C4orf36: variants seen among roughly 807,000 people sequenced by gnomAD.
C4orf36 encodes chromosome 4 open reading frame 36, also known as uncharacterized protein C4orf36.
Under a neutral mutation model 12.2 loss-of-function variants are expected in C4orf36, and 11 were observed. That is an observed-to-expected ratio of 0.90 (90% confidence interval 0.57 to 1.49). The LOEUF is 1.49. Among genes scored for constraint, C4orf36 ranks in the 40% most tolerant of loss-of-function variants. The pLI, the probability that C4orf36 is intolerant of heterozygous loss-of-function variation, is 0.00. For missense variants in C4orf36, 137 were observed against 133.9 expected (o/e 1.02, Z -0.11); for synonymous variants, 54 against 51.3 (o/e 1.05, Z -0.22).
chr4:86,915,499 G>T, the C4orf36 span, among the ~76,000 whole-genome samples: 1 of 152,002 alleles, frequency 6.6e-6, no homozygotes, highest in African/African-American at 2.4e-5. Context: ...TTAAAGGAGG[G>T]AAGGCTGGGC....
At chr4:86,889,389 A>G (rs1028400970) in intron 2 of C4orf36, among the ~76,000 whole-genome samples, 5 of 152,020 alleles carry the variant, frequency 3.3e-5, no homozygotes, top group Non-Finnish European at 7.4e-5. Context: ...CTTAATATCT[A>G]TCAAGAAGAG....
At chr4:86,884,301 T>TC (rs1378277055) in intron 4 of C4orf36, among the ~76,000 whole-genome samples, 1 of 106,564 alleles carries the variant, frequency 9.4e-6, no homozygotes, top group Non-Finnish European at 1.8e-5. Context: ...AAGACTGAAT[T>TC]TTTTTTTTTT....
the C4orf36 span, among the ~76,000 whole-genome samples, chr4:86,931,624 C>A: frequency 6.6e-6 from 1 of 152,164 alleles, no homozygotes; most frequent in Non-Finnish European, 1.5e-5. Flanking sequence ...GTCTTGAAGT[C>A]CTGGGCTCAA....
the C4orf36 span, chr4:86,932,087 C>T: frequency 6.6e-6 from 1 of 150,944 alleles, no homozygotes; most frequent in Non-Finnish European, 1.5e-5. Flanking sequence ...TGGCTCACGC[C>T]TGTAATCCCA....
upstream of C4orf36, among the ~76,000 whole-genome samples, chr4:86,896,855 C>T (rs1663458567): frequency 6.6e-6 from 1 of 152,152 alleles, no homozygotes; most frequent in South Asian, 2.1e-4. Context: ...AAATCATCTC[C>T]TCTGTCTATC....
chr4:86,903,209 T>C, the C4orf36 span, among the ~76,000 whole-genome samples: 1 of 152,334 alleles, frequency 6.6e-6, no homozygotes, highest in Non-Finnish European at 1.5e-5. Flanking sequence ...ATATTGTTTA[T>C]AAAAATGTTG....
chr4:86,923,515 T>C, the C4orf36 span, among the ~76,000 whole-genome samples: 5 of 150,216 alleles, frequency 3.3e-5, no homozygotes, highest in African/African-American at 1.2e-4. Flanking sequence ...CCCAGCACTT[T>C]GGGAGGCCAA....
At chr4:86,911,262 T>A in the C4orf36 span, among the ~76,000 whole-genome samples, 2 of 152,124 alleles carry the variant, frequency 1.3e-5, no homozygotes, top group Non-Finnish European at 2.9e-5. Flanking sequence ...CACTGGCTCT[T>A]TTTTGAACAG....
chr4:86,893,173 C>T (rs985692377), upstream of C4orf36, among the ~76,000 whole-genome samples: 4 of 152,156 alleles, frequency 2.6e-5, no homozygotes, highest in African/African-American at 4.8e-5. Context: ...TAGGTAAGAG[C>T]GATACTACTC....
intron 1 of C4orf36, chr4:86,891,951 G>A (rs972107652): frequency 2.0e-6 from 2 of 988,694 alleles, no homozygotes; most frequent in East Asian, 1.0e-4. Context: ...CACCCGCCCC[G>A]GCCCGGGCAC....
Position 86,876,294 on chromosome 4 carries a change from C to T in C4orf36, c.*152G>A, listed in dbSNP as rs1323211085. The stretch of plus-strand genomic sequence containing the variant: ...TTAAGAGATTTTCTCGGTCTCTGGG[C>T]GGGCCGTGGGAGGCTTCCTGAGGTG... On this transcript the variant is annotated 3_prime_UTR_variant, in exon 5 of 5. Transcript: ENST00000295898. 1.7e-6 allele frequency: 2 copies of T among 1,153,134 alleles called. No individual in the cohort carries two copies. Among genetic ancestry groups the T allele is most frequent in the South Asian group, 1.7e-5 (1 of 59,676 alleles). 71.4% of individuals were successfully genotyped at this position (1,153,134 alleles called of 1,614,324 possible).
At chr4:86,917,395 AGG>A in the C4orf36 span, among the ~76,000 whole-genome samples, 1 of 143,436 alleles carries the variant, frequency 7.0e-6, no homozygotes, top group Non-Finnish European at 1.5e-5. Flanking sequence ...GAAGGAAGGA[AGG>A]AGAGAGAAAG....
intron 2 of C4orf36, among the ~76,000 whole-genome samples, chr4:86,888,695 G>A (rs187656819): frequency 7.9e-5 from 12 of 152,260 alleles, no homozygotes; most frequent in Admixed American, 3.9e-4. Context: ...TCTGGGAATG[G>A]GGATGAAATT....
chr4:86,876,541 T>C, intron 4 of C4orf36, 98 bp from the exon 5 acceptor site: 3 of 1,613,958 alleles, frequency 1.9e-6, no homozygotes, highest in Non-Finnish European at 2.5e-6. Context: ...GTGAAGCTAT[T>C]GTACAGTTTA....
At chr4:86,934,964 G>A in the C4orf36 span, 25 of 152,072 alleles carry the variant, frequency 1.6e-4, 1 homozygote, top group African/African-American at 5.8e-4. Context: ...CTCGCGCGGA[G>A]GGCGTGGCCT....
At chr4:86,934,093 A>G in the C4orf36 span, among the ~76,000 whole-genome samples, 2,948 of 152,310 alleles carry the variant, frequency 0.019, 78 homozygotes, top group African/African-American at 0.068. Context: ...TTCACACATT[A>G]TACCAATTTA....
chr4:86,881,324 A>T (rs182531086), intron 4 of C4orf36, among the ~76,000 whole-genome samples: 2 of 152,204 alleles, frequency 1.3e-5, no homozygotes, highest in Admixed American at 6.5e-5. Flanking sequence ...AAAATGTTTT[A>T]CGTAAAAATG....
the C4orf36 span, chr4:86,925,874 C>CT: frequency 7.0e-6 from 1 of 142,942 alleles, no homozygotes; most frequent in African/African-American, 2.6e-5. Context: ...CTTTTTTTTT[C>CT]CTTTTTTTTT....
the C4orf36 span, chr4:86,914,222 C>A: frequency 1.3e-6 from 2 of 1,597,972 alleles, no homozygotes; most frequent in African/African-American, 2.7e-5. Flanking sequence ...TCAGGATCAC[C>A]AGGGTTGGCT....
Sources: allele counts gnomAD v4.1 joint callset (sites outside exome capture counted in the v4.1 genomes callset), GRCh38; gene constraint gnomAD v4.1.1; transcripts MANE v1.5; gene names NCBI Gene and HGNC (gene_info 2026-07-23, HGNC 2026-07-21).